The following ANKHD1 variants were observed in gnomAD, a reference collection of about 807,000 sequenced individuals.
ANKHD1 encodes the protein ankyrin repeat and KH domain containing 1.
In ANKHD1, 31 loss-of-function variants were observed where a neutral mutation model predicts 230.5. The observed-to-expected ratio is 0.13, with a 90% CI of 0.10 to 0.18. The LOEUF (loss-of-function observed/expected upper bound fraction) is 0.18, where lower values mean the gene tolerates loss of function less well. Ranked by LOEUF, ANKHD1 falls within the 10% of genes least tolerant of loss-of-function variation. ANKHD1 has a pLI of 1.00. For synonymous variants in ANKHD1, 1,074 were observed against 1,117.6 expected (o/e 0.96, Z 0.78); for missense variants, 2,256 against 3,071.3 (o/e 0.73, Z 6.27).
Position 140,506,598 on chromosome 5 carries a change from A to C in ANKHD1, c.3409-237A>C, listed in dbSNP as rs1752545847. On this transcript the variant is annotated intron_variant, in intron 18 of 33. Transcript: ENST00000360839. The surrounding 1 kb of genome is among the most constrained non-coding windows in gnomAD (Gnocchi z 4.7). ...CAAATTTATTGCCCAATAAATGGCA[A>C]ATAGAAAGGGTAACATCTTGTTATT... is the stretch of plus-strand genomic sequence containing the variant. Among the ~76,000 whole-genome samples the C allele has an allele frequency of 6.6e-6, 1 of 152,258 alleles. No individual in the cohort carries two copies.
chr5:140,430,963 G>A (rs1406013114), intron 1 of ANKHD1, among the ~76,000 whole-genome samples: 4 of 152,132 alleles, frequency 2.6e-5, no homozygotes, highest in Non-Finnish European at 4.4e-5. Flanking sequence ...CATGTACCCA[G>A]CCAGCTGTAT....
In ANKHD1 at chr5:140,435,464, G is replaced by A. The variant is rs888642606; in HGVS notation, c.307-640G>A. On this transcript the variant is annotated intron_variant, in intron 1 of 33. Transcript: ENST00000360839. Reference sequence around the variant, plus strand: ...ACGATCTCGGCTCACAGCAACCTGCGTCTTCTCCTGGGTTCAAGCAATTCT... The same window carrying A: ...ACGATCTCGGCTCACAGCAACCTGCATCTTCTCCTGGGTTCAAGCAATTCT... Among the ~76,000 whole-genome samples the A allele has an allele frequency of 3.3e-5, 5 of 151,086 alleles. No individual in the cohort carries two copies. In the East Asian group the frequency reaches 7.8e-4, roughly 23 times the overall value.
chr5:140,519,367 C>A lies in ANKHD1; in HGVS notation c.4318-4699C>A, dbSNP rs187886129. ...GGCCATACTGCCCAAGGTAATTTAC[C>A]GATTCAATGCCATCCCCATCAAGCT... On this transcript the variant is annotated intron_variant, in intron 24 of 33. Transcript: ENST00000360839. 9.4e-3 allele frequency among the ~76,000 whole-genome samples: 1,424 copies of A among 152,156 alleles called. 22 individuals are homozygous for A. The highest frequency in any genetic ancestry group is 0.032 in the African/African-American group (1,335 of 41,520).
chr5:140,497,028 G>A lies in ANKHD1; in HGVS notation c.2754G>A (p.Ser918=), dbSNP rs768430883. The A allele has an allele frequency of 6.8e-6, 11 of 1,614,028 alleles. No homozygotes were observed. Among genetic ancestry groups the A allele is most frequent in the Non-Finnish European group, 9.3e-6 (11 of 1,179,988 alleles). Residue 918 remains serine (S), a synonymous_variant, in exon 15 of 34, where the codon TCG becomes TCA. Transcript: ENST00000360839. The part of the protein sequence containing the change: ...DVDDEQQSPP[S]AEQIDFVPVQ... ...ATGATGAGCAACAGTCTCCACCATC[G>A]GCAGAACAGATTGATTTTGTCCCAG...
intron 14 of ANKHD1, among the ~76,000 whole-genome samples, chr5:140,495,642 G>A (rs62385234): frequency 0.06 from 9,179 of 152,134 alleles, 400 homozygotes; most frequent in Middle Eastern, 0.11. Context: ...CCAGATGTTA[G>A]GATTATTAAT....
Position 140,506,219 on chromosome 5 carries a change from C to T in ANKHD1, c.3408+350C>T, listed in dbSNP as rs902505541. Reference sequence around the variant, plus strand: ...GGGATTATAGTTATGGGCCAGCATGCCTGGCCCTGCACGTATTTTAACATG... The same window carrying T: ...GGGATTATAGTTATGGGCCAGCATGTCTGGCCCTGCACGTATTTTAACATG... On this transcript the variant is annotated intron_variant, in intron 18 of 33. Transcript: ENST00000360839. This position sits in a 1 kb window ranked among gnomAD's most constrained non-coding sequence, Gnocchi z 4.7. Among the ~76,000 whole-genome samples the T allele has an allele frequency of 5.3e-5, 8 of 152,192 alleles. No individual in the cohort carries two copies. Among genetic ancestry groups the T allele is most frequent in the African/African-American group, 1.7e-4 (7 of 41,448 alleles).
intron 30 of ANKHD1, 141 bp downstream of exon 30, chr5:140,535,679 A>C: frequency 8.5e-7 from 1 of 1,180,860 alleles, no homozygotes; most frequent in South Asian, 2.6e-5. Context: ...TCATGTGAAA[A>C]AATTGTCAGT....
chr5:140,496,003 A>T (rs1752014278), intron 14 of ANKHD1, among the ~76,000 whole-genome samples: 1 of 152,170 alleles, frequency 6.6e-6, no homozygotes, highest in Admixed American at 6.5e-5. Flanking sequence ...TGACTGAAAA[A>T]CACTATCCCC....
At chr5:140,409,796 C>T (rs924175386) in intron 1 of ANKHD1, among the ~76,000 whole-genome samples, 6 of 152,114 alleles carry the variant, frequency 3.9e-5, no homozygotes, top group South Asian at 4.1e-4. Context: ...TTGTGATCCA[C>T]CCGCCTCAGC....
At chr5:140,448,003 C>G (rs1774423591) in intron 6 of ANKHD1, among the ~76,000 whole-genome samples, 1 of 152,120 alleles carries the variant, frequency 6.6e-6, no homozygotes, top group African/African-American at 2.4e-5. Context: ...TTAAAGAATG[C>G]TGGGTGCAGT....
At chr5:140,447,239 A>G (rs191170416) in intron 6 of ANKHD1, among the ~76,000 whole-genome samples, 320 of 152,006 alleles carry the variant, frequency 2.1e-3, no homozygotes, top group Non-Finnish European at 3.7e-3. Context: ...GTTTTGCTCT[A>G]TCACCCAGGA....
Position 140,527,809 on chromosome 5 carries a change from A to G in ANKHD1, c.5088-64A>G. Reference sequence around the variant, plus strand: ...AAAATGTCCATGAACATACTTACTAAGACATCTTTCTTAATAAAGAGACAT... The same window carrying G: ...AAAATGTCCATGAACATACTTACTAGGACATCTTTCTTAATAAAGAGACAT... On this transcript the variant is annotated intron_variant, in intron 27 of 33. Transcript: ENST00000360839. This position sits in a 1 kb window ranked among gnomAD's most constrained non-coding sequence, Gnocchi z 4.5. The G allele has an allele frequency of 6.6e-7, 1 of 1,525,462 alleles. No homozygotes were observed. The highest frequency in any genetic ancestry group is 8.8e-7 in the Non-Finnish European group (1 of 1,134,454). 94.5% of individuals were successfully genotyped at this position (1,525,462 alleles called of 1,614,324 possible).
intron 1 of ANKHD1, among the ~76,000 whole-genome samples, chr5:140,417,806 T>C (rs1405078443): frequency 6.7e-6 from 1 of 150,074 alleles, no homozygotes; most frequent in African/African-American, 2.4e-5. Context: ...GTTGTAAGAA[T>C]AGTACAAGGA....
intron 1 of ANKHD1, among the ~76,000 whole-genome samples, chr5:140,420,604 T>G (rs1023288084): frequency 6.6e-6 from 1 of 152,200 alleles, no homozygotes; most frequent in South Asian, 2.1e-4. Flanking sequence ...CTATCCCCCT[T>G]GAATTGTCTT....
chr5:140,524,067 C>A lies in ANKHD1; in HGVS notation c.4319C>A (p.Ser1440Ter). 1.9e-6 allele frequency: 3 copies of A among 1,568,100 alleles called. No homozygotes were observed. The South Asian group carries it at 3.7e-5, about 19-fold the overall frequency. ...ATTATATACCTGCTTTATTTCCAGT[C>A]AAGAGAAGAGAGCAGAAAGCAGGCT... is the stretch of plus-strand genomic sequence containing the variant. ...ILLKELDLEKSREESRKQALA... is the reference protein window; with the variant it reads ...ILLKELDLEK The change falls in exon 25 of 34, where the codon TCA (serine) becomes TAA (stop). Residue 1440 changes from serine (S) to a stop codon, truncating the protein, a stop_gained and splice_region_variant. Coordinates refer to ENST00000360839, the MANE Select transcript of ANKHD1 (RefSeq NM_017747.3). LOFTEE classifies it high-confidence loss of function.
intron 24 of ANKHD1, among the ~76,000 whole-genome samples, chr5:140,517,649 C>T (rs1172513800): frequency 1.6e-5 from 2 of 127,610 alleles, no homozygotes; most frequent in East Asian, 2.2e-4. Flanking sequence ...CTCAAAACCG[C>T]TCAACTACAT....
chr5:140,533,394 C>T (rs1186444978), intron 29 of ANKHD1, among the ~76,000 whole-genome samples: 8 of 152,058 alleles, frequency 5.3e-5, no homozygotes, highest in African/African-American at 1.7e-4. Context: ...GTCAGGAGAT[C>T]GAGACCATCC....
Position 140,491,143 on chromosome 5 carries a change from T to C in ANKHD1, c.2245+4083T>C, listed in dbSNP as rs796272479. Reference sequence around the variant, plus strand: ...ACATATATATATATATATACACATATATATATATATATATATATTTTTTTT... The same window carrying C: ...ACATATATATATATATATACACATACATATATATATATATATATTTTTTTT... On this transcript the variant is annotated intron_variant, in intron 14 of 33. Transcript: ENST00000360839. Among the ~76,000 whole-genome samples, 111 of 61,908 alleles carry C rather than the reference T, an allele frequency of 1.8e-3. 1 individual carries two copies. The highest frequency in any genetic ancestry group is 0.018 in the Middle Eastern group (2 of 114). The allele number at this position is 61,908 out of a possible 152,430, so 40.6% of individuals were successfully genotyped here.
intron 1 of ANKHD1, among the ~76,000 whole-genome samples, chr5:140,416,412 T>C (rs1027495060): frequency 6.6e-6 from 1 of 152,206 alleles, no homozygotes; most frequent in African/African-American, 2.4e-5. Flanking sequence ...ATGCTTTTGC[T>C]TGTGGATATC....
Sources: gnomAD v4.1 joint callset for allele counts (sites outside exome capture counted in the v4.1 genomes callset) on GRCh38, gnomAD v4.1.1 for gene constraint, Gnocchi (gnomAD v3.1) non-coding constraint, MANE v1.5 for transcripts, NCBI Gene and HGNC (gene_info 2026-07-23, HGNC 2026-07-21) for gene names.